Variants in NKAIN2 observed in about 807,000 individuals in gnomAD.
NKAIN2 encodes the protein sodium/potassium transporting ATPase interacting 2, also known as sodium/potassium-transporting ATPase subunit beta-1-interacting protein 2.
A neutral mutation model predicts 32.6 loss-of-function variants in NKAIN2; 14 were observed. That is an observed-to-expected ratio of 0.43 (90% CI 0.28 to 0.67). The LOEUF (loss-of-function observed/expected upper bound fraction) is 0.67, where lower values mean the gene tolerates loss of function less well. Among genes scored for constraint, NKAIN2 ranks in the 30% least tolerant of loss-of-function variants. The pLI is 0.17. For missense variants in NKAIN2, 198 were observed against 258.3 expected, an observed-to-expected ratio of 0.77 and a Z score of 1.60; for synonymous variants, 80 against 87.2, an observed-to-expected ratio of 0.92 and a Z score of 0.46.
chr6:124,800,244 G>A (rs1006806583), intron 5 of NKAIN2, among the ~76,000 whole-genome samples: 1 of 151,862 alleles, frequency 6.6e-6, no homozygotes, highest in Middle Eastern at 3.2e-3. Flanking sequence ...AGAAGGCTGT[G>A]TTCAGAGGTC....
intron 1 of NKAIN2, among the ~76,000 whole-genome samples, chr6:124,166,344 G>T (rs1285459672): frequency 6.6e-6 from 1 of 152,014 alleles, no homozygotes; most frequent in African/African-American, 2.4e-5. Flanking sequence ...CATTTCCTTC[G>T]CCCACTTGTT....
rs532315368 is a variant in NKAIN2 at position 124,075,988 on chromosome 6, G to A, written c.55-207017G>A. Among the ~76,000 whole-genome samples the A allele has an allele frequency of 3.9e-5, 6 of 152,290 alleles. No individual in the cohort carries two copies. In the East Asian group the frequency reaches 9.7e-4, roughly 24 times the overall value. ...TCATTCATATATGCAAAAGATAAAA[G>A]TGGAAAGAGGAACAATCTGTTTATT... On this transcript the variant is annotated intron_variant, in intron 1 of 6. Coordinates refer to ENST00000368417, the MANE Select transcript of NKAIN2 (RefSeq NM_001040214.3).
intron 3 of NKAIN2, among the ~76,000 whole-genome samples, chr6:124,401,081 T>C (rs1773604372): frequency 2.0e-5 from 3 of 152,178 alleles, no homozygotes; most frequent in Non-Finnish European, 2.9e-5. Context: ...TCTTACATTT[T>C]TAAAAATATT....
intron 3 of NKAIN2, among the ~76,000 whole-genome samples, chr6:124,569,276 A>G (rs1781036016): frequency 6.6e-6 from 1 of 152,226 alleles, no homozygotes; most frequent in African/African-American, 2.4e-5. Context: ...GATAGATGCC[A>G]TCTGATGCCA....
At chr6:123,815,085 A>C (rs1455954054) in intron 1 of NKAIN2, among the ~76,000 whole-genome samples, 2 of 152,230 alleles carry the variant, frequency 1.3e-5, no homozygotes, top group African/African-American at 2.4e-5. Flanking sequence ...TTTGGCAATT[A>C]GGATATGATG....
At chr6:124,579,839 A>G (rs943226969) in intron 3 of NKAIN2, among the ~76,000 whole-genome samples, 8 of 152,260 alleles carry the variant, frequency 5.3e-5, no homozygotes, top group African/African-American at 1.9e-4. Flanking sequence ...GCAAGAGAAA[A>G]GAAATTAATA....
intron 3 of NKAIN2, among the ~76,000 whole-genome samples, chr6:124,620,461 CTAGA>C (rs1360827871): frequency 1.3e-5 from 2 of 152,154 alleles, no homozygotes; most frequent in Admixed American, 1.3e-4. Context: ...TTTTATGACT[CTAGA>C]TACAATGCTA....
intron 4 of NKAIN2, among the ~76,000 whole-genome samples, chr6:124,689,716 C>G (rs1245158132): frequency 6.6e-6 from 1 of 152,080 alleles, no homozygotes; most frequent in Non-Finnish European, 1.5e-5. Flanking sequence ...GTGGAAAAGA[C>G]TATTCTTCCC....
chr6:123,875,083 A>G (rs778895292), intron 1 of NKAIN2, among the ~76,000 whole-genome samples: 5 of 152,004 alleles, frequency 3.3e-5, no homozygotes, highest in Non-Finnish European at 7.4e-5. Flanking sequence ...TTTATATACC[A>G]TAATATATTT....
At chr6:124,814,099 T>A (rs1469409955) in intron 5 of NKAIN2, among the ~76,000 whole-genome samples, 1 of 152,198 alleles carries the variant, frequency 6.6e-6, no homozygotes, top group Non-Finnish European at 1.5e-5. Flanking sequence ...TCTATCTACA[T>A]GGCACCCCAA....
rs200092032 is a variant in NKAIN2, at chr6:124,032,326, G to T, written c.54+228072G>T. On this transcript the variant is annotated intron_variant, in intron 1 of 6. Transcript: ENST00000368417. ...ACCTAATGTAAATGACGAGTTAATGGGTGCAGCACACCAACATGGCACATG... is the reference window on the plus strand; with the variant it reads ...ACCTAATGTAAATGACGAGTTAATGTGTGCAGCACACCAACATGGCACATG... 5.3e-5 allele frequency among the ~76,000 whole-genome samples: 8 copies of T among 151,230 alleles called. No homozygotes were observed. The East Asian group carries it at 1.4e-3, about 26-fold the overall frequency.
At chr6:123,915,362 C>T (rs10872274) in intron 1 of NKAIN2, among the ~76,000 whole-genome samples, 49,756 of 151,938 alleles carry the variant, frequency 0.33, 9,028 homozygotes, top group East Asian at 0.64. Context: ...GGACTTTTGT[C>T]TGCCCACTCC....
At chr6:124,389,777 GAAAAT>G (rs1466905224) in intron 3 of NKAIN2, among the ~76,000 whole-genome samples, 5 of 150,308 alleles carry the variant, frequency 3.3e-5, no homozygotes, top group African/African-American at 1.2e-4. Flanking sequence ...CTGTAGAAAA[GAAAAT>G]AAAAGATAAT....
chr6:123,805,025 A>G (rs181002992), intron 1 of NKAIN2, among the ~76,000 whole-genome samples: 2 of 152,298 alleles, frequency 1.3e-5, no homozygotes, highest in African/African-American at 4.8e-5. Flanking sequence ...AATGTTGTAC[A>G]GTTGCAAAGG....
chr6:124,331,575 A>G (rs1229190593), intron 2 of NKAIN2, among the ~76,000 whole-genome samples: 2 of 151,480 alleles, frequency 1.3e-5, no homozygotes, highest in African/African-American at 4.8e-5. Context: ...AGATGACACT[A>G]TTAAAGTACC....
intron 3 of NKAIN2, among the ~76,000 whole-genome samples, chr6:124,645,532 T>C (rs1472258539): frequency 6.6e-6 from 1 of 152,182 alleles, no homozygotes; most frequent in Non-Finnish European, 1.5e-5. Flanking sequence ...GTTTGGTGCC[T>C]AATAATAAGA....
chr6:123,896,062 T>C (rs2114394040), intron 1 of NKAIN2, among the ~76,000 whole-genome samples: 1 of 152,310 alleles, frequency 6.6e-6, no homozygotes, highest in African/African-American at 2.4e-5. Context: ...TGCATCTGCA[T>C]CTCAGACACG....
At chr6:124,491,897 A>C (rs889460661) in intron 3 of NKAIN2, among the ~76,000 whole-genome samples, 2 of 151,956 alleles carry the variant, frequency 1.3e-5, no homozygotes, top group African/African-American at 4.8e-5. Flanking sequence ...TAGTATCTGC[A>C]TAGGGATATG....
chr6:123,880,721 A>C (rs1441682798), intron 1 of NKAIN2, among the ~76,000 whole-genome samples: 8 of 152,204 alleles, frequency 5.3e-5, no homozygotes, highest in Admixed American at 2.6e-4. Flanking sequence ...AATGTATCTC[A>C]ATATGCTTTG....
Sources: gnomAD v4.1 joint callset for allele counts (sites outside exome capture counted in the v4.1 genomes callset) on GRCh38, gnomAD v4.1.1 for gene constraint, MANE v1.5 for transcripts, NCBI Gene and HGNC (gene_info 2026-07-23, HGNC 2026-07-21) for gene names.